The following SLC6A6 variants were observed in gnomAD, a reference collection of about 807,000 sequenced individuals.
SLC6A6 encodes the protein solute carrier family 6 member 6.
A neutral mutation model predicts 68.8 loss-of-function variants in SLC6A6; 16 were observed. That is an observed-to-expected ratio of 0.23 (90% CI 0.16 to 0.35). The LOEUF is 0.35. Among genes scored for constraint, SLC6A6 ranks in the 10% least tolerant of loss-of-function variants. SLC6A6 has a pLI of 1.00. For synonymous variants in SLC6A6, 312 were observed against 315.4 expected (o/e 0.99, Z 0.12); for missense variants, 474 against 802.8 (o/e 0.59, Z 4.95).
chr3:14,429,571 T>C (rs1203503162), intron 2 of SLC6A6, among the ~76,000 whole-genome samples: 4 of 152,250 alleles, frequency 2.6e-5, no homozygotes, highest in African/African-American at 9.6e-5. Flanking sequence ...TTTTGTTTGA[T>C]GTTTTGCCCA....
chr3:14,476,751 T>G (rs189291410), intron 10 of SLC6A6, among the ~76,000 whole-genome samples: 6 of 152,354 alleles, frequency 3.9e-5, no homozygotes, highest in East Asian at 1.9e-4. Context: ...CAAAAGTGAA[T>G]GTGATACCAC....
chr3:14,453,686 TTATAA>T (rs1460604769), intron 5 of SLC6A6, among the ~76,000 whole-genome samples: 1 of 152,196 alleles, frequency 6.6e-6, no homozygotes, highest in Non-Finnish European at 1.5e-5. Flanking sequence ...ACATGTACAA[TTATAA>T]TATAAAAGCA....
chr3:14,485,316 AT>A lies in SLC6A6; in HGVS notation c.*320del, dbSNP rs942384946. On this transcript the variant is annotated 3_prime_UTR_variant, in exon 15 of 15. Transcript: ENST00000622186. ...GGGAATTTGGTAAATTTTTCTTTGT[AT>A]TTTTTTTTTTACATATAAGTATATA... 0.021 allele frequency: 4,047 copies of A among 194,648 alleles called. 8 individuals carry two copies. Among genetic ancestry groups the A allele is most frequent in the East Asian group, 0.03 (263 of 8,668 alleles). 12.1% of individuals were successfully genotyped at this position (194,648 alleles called of 1,614,324 possible).
intron 2 of SLC6A6, among the ~76,000 whole-genome samples, chr3:14,431,517 T>G (rs569954354): frequency 6.6e-6 from 1 of 151,926 alleles, no homozygotes; most frequent in South Asian, 2.1e-4. Flanking sequence ...AGGGGAAGAG[T>G]GTACCGGGCT....
At chr3:14,449,840 C>T (rs565243321) in intron 5 of SLC6A6, among the ~76,000 whole-genome samples, 1 of 152,258 alleles carries the variant, frequency 6.6e-6, no homozygotes, top group South Asian at 2.1e-4. Context: ...CAACCTCCGA[C>T]TCCCTGGTTC....
chr3:14,405,935 C>T (rs1363315484), intron 1 of SLC6A6, among the ~76,000 whole-genome samples: 1 of 152,076 alleles, frequency 6.6e-6, no homozygotes. Context: ...CAAGGAGCAG[C>T]TGAGTGTGCA....
intron 6 of SLC6A6, among the ~76,000 whole-genome samples, chr3:14,458,964 C>T (rs1700432700): frequency 6.6e-6 from 1 of 152,198 alleles, no homozygotes; most frequent in South Asian, 2.1e-4. Context: ...TAACCCATAA[C>T]TGAAATGTTA....
chr3:14,470,345 G>T (rs1700723938), intron 9 of SLC6A6, among the ~76,000 whole-genome samples: 1 of 152,180 alleles, frequency 6.6e-6, no homozygotes, highest in Non-Finnish European at 1.5e-5. Flanking sequence ...TGAGTGAAGT[G>T]CATTTGAACA....
chr3:14,466,265 TAAAAAAAAAAAA>T (rs11310077), intron 6 of SLC6A6, among the ~76,000 whole-genome samples: 2,967 of 110,254 alleles, frequency 0.027, 122 homozygotes, highest in African/African-American at 0.093. Flanking sequence ...GTCTCAAATT[TAAAAAAAAAAAA>T]AAAAAAAAAA....
chr3:14,482,124 G>T (rs1397205504), intron 14 of SLC6A6, among the ~76,000 whole-genome samples: 1 of 152,244 alleles, frequency 6.6e-6, no homozygotes, highest in Non-Finnish European at 1.5e-5. Context: ...TGTTCCTGGT[G>T]TTGGCAGAGT....
chr3:14,466,775 G>A lies in SLC6A6; in HGVS notation c.867+125G>A, dbSNP rs188997946. On this transcript the variant is annotated intron_variant, in intron 7 of 14. Coordinates refer to ENST00000622186, the MANE Select transcript of SLC6A6 (RefSeq NM_003043.6). ...GGTTCTTCAGTGCACAGGTCTAGCTGGGCCACCGCCCCCTGGTACTTTTCC... is the reference window on the plus strand; with the variant it reads ...GGTTCTTCAGTGCACAGGTCTAGCTAGGCCACCGCCCCCTGGTACTTTTCC... 6 of 851,302 alleles carry A rather than the reference G, an allele frequency of 7.0e-6. No individual in the cohort carries two copies. In the East Asian group the frequency reaches 1.4e-4, roughly 20 times the overall value. The allele number at this position is 851,302 out of a possible 1,614,324, so 52.7% of individuals were successfully genotyped here. A position where few individuals can be genotyped will look rare whatever the true frequency, so the allele number is the denominator to read the frequency against.
chr3:14,462,888 CTTGTCTCT>C (rs139459770), intron 6 of SLC6A6, among the ~76,000 whole-genome samples: 1,693 of 152,262 alleles, frequency 0.011, 30 homozygotes, highest in African/African-American at 0.038. Context: ...TGGCTCATTT[CTTGTCTCT>C]TTGTCCGGCA....
intron 5 of SLC6A6, among the ~76,000 whole-genome samples, chr3:14,455,564 A>T (rs1426835788): frequency 6.6e-6 from 1 of 152,252 alleles, no homozygotes; most frequent in Non-Finnish European, 1.5e-5. Flanking sequence ...AGCGGAAGAC[A>T]GACAGGGGCT....
chr3:14,429,807 C>A (rs1699682958), intron 2 of SLC6A6, among the ~76,000 whole-genome samples: 1 of 152,192 alleles, frequency 6.6e-6, no homozygotes, highest in South Asian at 2.1e-4. Flanking sequence ...CCTAAGATCC[C>A]ACAGACTTCA....
rs796748671 is a variant in SLC6A6, at chr3:14,450,285, G to A, written c.599+2469G>A. ...CTCACTCACACCTTCCAGAGGGACC[G>A]GGCCCTCGGGGGTATTCTGGGACCC... On this transcript the variant is annotated intron_variant, in intron 5 of 14. Transcript: ENST00000622186. The surrounding 1 kb of genome is among the most constrained non-coding windows in gnomAD (Gnocchi z 4.1). Among the ~76,000 whole-genome samples, 2 of 152,058 alleles carry A rather than the reference G, an allele frequency of 1.3e-5. No individual in the cohort carries two copies. Among genetic ancestry groups the A allele is most frequent in the African/African-American group, 2.4e-5 (1 of 41,376 alleles).
At chr3:14,466,698 G>T in intron 7 of SLC6A6, 48 bp downstream of exon 7, 1 of 1,566,772 alleles carries the variant, frequency 6.4e-7, no homozygotes, top group Non-Finnish European at 8.7e-7. Flanking sequence ...CCAGGGCTGG[G>T]CCGGCACAGG....
chr3:14,483,342 AC>A (rs1453364699), intron 14 of SLC6A6, among the ~76,000 whole-genome samples: 1 of 152,176 alleles, frequency 6.6e-6, no homozygotes, highest in Non-Finnish European at 1.5e-5. Context: ...AGGGGCTCCC[AC>A]CTGCACAAGT....
Position 14,472,065 on chromosome 3 carries a change from C to A in SLC6A6, c.1097-140C>A. On this transcript the variant is annotated intron_variant, in intron 9 of 14. Transcript: ENST00000622186. The surrounding 1 kb of genome is among the most constrained non-coding windows in gnomAD (Gnocchi z 4.5). The stretch of plus-strand genomic sequence containing the variant: ...CACCCAAAGGCGAGACAGGCCTGGT[C>A]TCTTTCCCCAGGCCAGAGTTCAGAC... 1 of 625,026 alleles carries A rather than the reference C, an allele frequency of 1.6e-6. No individual in the cohort carries two copies. 38.7% of individuals were successfully genotyped at this position (625,026 alleles called of 1,614,324 possible).
At chr3:14,461,388 T>G (rs533087254) in intron 6 of SLC6A6, among the ~76,000 whole-genome samples, 1 of 152,286 alleles carries the variant, frequency 6.6e-6, no homozygotes, top group African/African-American at 2.4e-5. Flanking sequence ...CCGACCTGGG[T>G]GCCCCACACT....
Sources: allele counts gnomAD v4.1 joint callset (sites outside exome capture counted in the v4.1 genomes callset), GRCh38; gene constraint gnomAD v4.1.1; non-coding constraint Gnocchi (gnomAD v3.1); transcripts MANE v1.5; gene names NCBI Gene and HGNC (gene_info 2026-07-23, HGNC 2026-07-21).